ZBTB20: variants seen among roughly 807,000 people sequenced by gnomAD.
The protein encoded by ZBTB20 is zinc finger and BTB domain-containing protein 20.
In ZBTB20, 9 loss-of-function variants were observed where a neutral mutation model predicts 56.9. The ratio of observed to expected loss-of-function variants is 0.16; its 90% CI spans 0.10 to 0.28. The LOEUF is 0.28. Among genes scored for constraint, ZBTB20 ranks in the 10% least tolerant of loss-of-function variants. The pLI, the probability that ZBTB20 is intolerant of heterozygous loss-of-function variation, is 1.00. For synonymous variants in ZBTB20, 417 were observed against 420.7 expected (o/e 0.99, Z 0.11); for missense variants, 655 against 1,003.0 (o/e 0.65, Z 4.69).
intron 4 of ZBTB20, among the ~76,000 whole-genome samples, chr3:114,823,623 T>C (rs1481950865): frequency 2.0e-4 from 30 of 152,034 alleles, no homozygotes; most frequent in Non-Finnish European, 1.0e-4. Context: ...TAAAACATAA[T>C]GAAATCTGTA....
In ZBTB20 at chr3:114,329,020, T is replaced by C. The variant is rs1043986829; in HGVS notation, c.*9985A>G. On this transcript the variant is annotated 3_prime_UTR_variant, in exon 12 of 12. Coordinates refer to ENST00000675478, the MANE Select transcript of ZBTB20 (RefSeq NM_001348800.3). ...GTAGAAATATATCTGCTGGAACACT[T>C]TGGAGAACAGATTGGTAATTTTGCC... 4 of 152,166 alleles carry C rather than the reference T, an allele frequency of 2.6e-5. No individual in the cohort carries two copies. Among genetic ancestry groups the C allele is most frequent in the Non-Finnish European group, 5.9e-5 (4 of 68,032 alleles). 9.4% of individuals were successfully genotyped at this position (152,166 alleles called of 1,614,324 possible).
chr3:114,991,127 T>C (rs544741969), intron 2 of ZBTB20, among the ~76,000 whole-genome samples: 734 of 152,312 alleles, frequency 4.8e-3, no homozygotes, highest in Non-Finnish European at 8.4e-3. Flanking sequence ...CTGATCTTAG[T>C]GATTTCTTGC....
At chr3:114,989,069 G>A (rs868261583) in intron 2 of ZBTB20, among the ~76,000 whole-genome samples, 1 of 152,104 alleles carries the variant, frequency 6.6e-6, no homozygotes, top group Non-Finnish European at 1.5e-5. Flanking sequence ...CACTCTGATG[G>A]TAGTTTCTTT....
intron 4 of ZBTB20, chr3:114,876,377 C>G (rs2076197317): frequency 6.6e-6 from 1 of 152,106 alleles, no homozygotes; most frequent in Non-Finnish European, 1.5e-5. Flanking sequence ...TTGAGCCCAA[C>G]AGTTCAAGGC....
At chr3:114,531,004 T>C (rs754974703) in intron 6 of ZBTB20, among the ~76,000 whole-genome samples, 4 of 152,190 alleles carry the variant, frequency 2.6e-5, no homozygotes, top group Non-Finnish European at 2.9e-5. Context: ...TCATCTTATC[T>C]AGTCTTATGG....
At chr3:114,829,500 A>T (rs1423807566) in intron 4 of ZBTB20, among the ~76,000 whole-genome samples, 1 of 151,888 alleles carries the variant, frequency 6.6e-6, no homozygotes, top group East Asian at 1.9e-4. Context: ...ATATAGGCAA[A>T]AGAGAGTTCA....
At chr3:114,639,012 T>C (rs1158482149) in intron 6 of ZBTB20, among the ~76,000 whole-genome samples, 1 of 152,076 alleles carries the variant, frequency 6.6e-6, no homozygotes, top group Non-Finnish European at 1.5e-5. Context: ...GTCCTTTAGG[T>C]TGTATGACTG....
At chr3:114,665,059 C>T (rs2108113978) in intron 6 of ZBTB20, among the ~76,000 whole-genome samples, 1 of 152,136 alleles carries the variant, frequency 6.6e-6, no homozygotes, top group Middle Eastern at 3.4e-3. Flanking sequence ...TCCAGGTGTG[C>T]AGAAAGGTGC....
rs989990219 is a variant in ZBTB20, at chr3:114,345,930, C to T, written c.1804+4344G>A. 3.9e-5 allele frequency among the ~76,000 whole-genome samples: 6 copies of T among 152,206 alleles called. No individual in the cohort carries two copies. The East Asian group carries it at 1.2e-3, about 29-fold the overall frequency. On this transcript the variant is annotated intron_variant, in intron 11 of 11. Coordinates refer to ENST00000675478, the MANE Select transcript of ZBTB20 (RefSeq NM_001348800.3). ...GGTAGAGGGGAGCACTGCTTTCTTC[C>T]CTGACAGGATGGTTTGTATTATCTT...
intron 4 of ZBTB20, among the ~76,000 whole-genome samples, chr3:114,842,373 G>C (rs949362771): frequency 7.2e-5 from 11 of 152,120 alleles, no homozygotes; most frequent in African/African-American, 2.4e-4. Context: ...TGGCAGAACT[G>C]TTTCTTAGAG....
At chr3:114,974,684 A>G (rs1281230790) in intron 2 of ZBTB20, among the ~76,000 whole-genome samples, 1 of 152,178 alleles carries the variant, frequency 6.6e-6, no homozygotes, top group Non-Finnish European at 1.5e-5. Context: ...ATCTTAACTC[A>G]TAAGGATATT....
chr3:114,787,379 A>ACACACACACAC (rs1553821585), intron 5 of ZBTB20, among the ~76,000 whole-genome samples: 9 of 145,740 alleles, frequency 6.2e-5, no homozygotes, highest in Non-Finnish European at 1.1e-4. Flanking sequence ...ACACACACAC[A>ACACACACACAC]CACACACACA....
At chr3:114,718,667 A>T (rs1473268115) in intron 5 of ZBTB20, among the ~76,000 whole-genome samples, 1 of 152,116 alleles carries the variant, frequency 6.6e-6, no homozygotes, top group Non-Finnish European at 1.5e-5. Context: ...TGTGATAATA[A>T]AAATAACATG....
intron 2 of ZBTB20, among the ~76,000 whole-genome samples, chr3:115,028,726 T>A (rs1280893989): frequency 6.6e-6 from 1 of 150,600 alleles, no homozygotes; most frequent in Non-Finnish European, 1.5e-5. Context: ...TAAGTATGAT[T>A]TTAAAAACAA....
chr3:114,655,849 GT>G (rs1175011211), intron 6 of ZBTB20, among the ~76,000 whole-genome samples: 2 of 152,036 alleles, frequency 1.3e-5, no homozygotes, highest in African/African-American at 4.8e-5. Context: ...GCATTAGTCA[GT>G]TTTTCTTTTA....
At chr3:114,915,619 A>G (rs1194218763) in intron 3 of ZBTB20, among the ~76,000 whole-genome samples, 1 of 151,666 alleles carries the variant, frequency 6.6e-6, no homozygotes, top group Non-Finnish European at 1.5e-5. Context: ...ATTTAATTCT[A>G]CCGATTTTGG....
chr3:115,126,165 T>A (rs1250783440), intron 1 of ZBTB20, among the ~76,000 whole-genome samples: 1 of 152,230 alleles, frequency 6.6e-6, no homozygotes, highest in Non-Finnish European at 1.5e-5. Context: ...AGGTATTTTT[T>A]ATTTACTCAG....
At chr3:115,144,434 T>A (rs2107360279) in intron 1 of ZBTB20, among the ~76,000 whole-genome samples, 1 of 152,308 alleles carries the variant, frequency 6.6e-6, no homozygotes, top group South Asian at 2.1e-4. Context: ...TTTCCTTAGA[T>A]TTTCTTCCTA....
intron 2 of ZBTB20, among the ~76,000 whole-genome samples, chr3:114,984,953 C>G (rs757462794): frequency 6.6e-6 from 1 of 152,032 alleles, no homozygotes; most frequent in African/African-American, 2.4e-5. Flanking sequence ...CAAGGCTCTT[C>G]TCCCAGATCA....
Sources: allele counts gnomAD v4.1 joint callset (sites outside exome capture counted in the v4.1 genomes callset), GRCh38; gene constraint gnomAD v4.1.1; transcripts MANE v1.5; gene names NCBI Gene and HGNC (gene_info 2026-07-23, HGNC 2026-07-21).